Variants in AMPH observed in about 807,000 individuals in gnomAD.
AMPH encodes the protein amphiphysin (Stiff-Mann syndrome with breast cancer 128kD autoantigen).
AMPH carries 49 observed loss-of-function variants against 99.1 expected under a neutral mutation model. The observed-to-expected ratio is 0.49, with a 90% CI of 0.39 to 0.63. The LOEUF (loss-of-function observed/expected upper bound fraction) is 0.63. Ranked by LOEUF, AMPH falls within the 20% of genes least tolerant of loss-of-function variation. The probability of loss-of-function intolerance (pLI) is 0.00; values close to 1 mark genes in which losing one functional copy is unlikely to be tolerated. For missense variants in AMPH, 759 were observed against 863.4 expected (o/e 0.88, Z 1.52); for synonymous variants, 314 against 317.3 (o/e 0.99, Z 0.11).
intron 15 of AMPH, 120 bp from the exon 16 acceptor site, chr7:38,422,597 TC>T (rs1437813955): frequency 3.7e-5 from 26 of 696,976 alleles, no homozygotes; most frequent in African/African-American, 3.0e-4. Context: ...TATCTATCTA[TC>T]TATCCATCTA....
intron 3 of AMPH, among the ~76,000 whole-genome samples, chr7:38,501,968 A>G (rs1191093157): frequency 6.6e-6 from 1 of 152,038 alleles, no homozygotes; most frequent in Non-Finnish European, 1.5e-5. Context: ...ATGCTACTTA[A>G]TATTATTTGA....
intron 11 of AMPH, among the ~76,000 whole-genome samples, chr7:38,445,533 T>C (rs1386058130): frequency 1.3e-5 from 2 of 152,154 alleles, no homozygotes; most frequent in East Asian, 1.9e-4. Flanking sequence ...GGGAGTTGTA[T>C]ACAGAATGGA....
intron 4 of AMPH, 140 bp downstream of exon 4, chr7:38,494,293 A>G: frequency 1.5e-6 from 1 of 685,402 alleles, no homozygotes; most frequent in Non-Finnish European, 2.5e-6. Flanking sequence ...TGGAATCATC[A>G]GGCAGCAGAA....
In AMPH at chr7:38,430,477, C is replaced by A. The variant is rs1241154876; in HGVS notation, c.1159-612G>T. On this transcript the variant is annotated intron_variant, in intron 13 of 20. Transcript: ENST00000356264. ...CTATGTTCAGAAAGCTGTTGTTTTG[C>A]ATTTTGATATCGCTACCATTCCTAG... 2.0e-5 allele frequency among the ~76,000 whole-genome samples: 3 copies of A among 152,324 alleles called. No individual in the cohort carries two copies. The East Asian group carries it at 5.8e-4, about 29-fold the overall frequency.
At chr7:38,539,696 C>T (rs1790742784) in intron 1 of AMPH, among the ~76,000 whole-genome samples, 1 of 152,144 alleles carries the variant, frequency 6.6e-6, no homozygotes, top group Admixed American at 6.5e-5. Context: ...GAAAGGTCCC[C>T]AGGAGAGGGG....
At chr7:38,504,662 T>C (rs186200537) in intron 2 of AMPH, among the ~76,000 whole-genome samples, 3 of 152,322 alleles carry the variant, frequency 2.0e-5, no homozygotes, top group African/African-American at 7.2e-5. Context: ...CTGTCAGCTA[T>C]GTTTCTAGAG....
At chr7:38,565,131 A>G (rs1170727608) in intron 1 of AMPH, among the ~76,000 whole-genome samples, 1 of 151,954 alleles carries the variant, frequency 6.6e-6, no homozygotes, top group Non-Finnish European at 1.5e-5. Flanking sequence ...CTCAAAAAAA[A>G]AAAAAAAAGA....
At chr7:38,500,598 A>T (rs1011313130) in intron 3 of AMPH, among the ~76,000 whole-genome samples, 3 of 152,222 alleles carry the variant, frequency 2.0e-5, no homozygotes, top group African/African-American at 7.2e-5. Flanking sequence ...AGACCAAATC[A>T]AATAGACTTG....
At chr7:38,627,381 A>G (rs1245218780) in intron 1 of AMPH, among the ~76,000 whole-genome samples, 1 of 115,456 alleles carries the variant, frequency 8.7e-6, no homozygotes, top group African/African-American at 3.5e-5. Context: ...GTCTCTACTA[A>G]AAATACAAAA....
intron 5 of AMPH, among the ~76,000 whole-genome samples, chr7:38,486,277 A>T (rs1454093211): frequency 6.6e-6 from 1 of 151,880 alleles, no homozygotes; most frequent in Non-Finnish European, 1.5e-5. Flanking sequence ...GATGCCATAG[A>T]AATAAAAAGG....
rs141373839 is a variant in AMPH, at chr7:38,487,626, G to C, written c.396+3424C>G. Among the ~76,000 whole-genome samples the C allele has an allele frequency of 0.012, 1,856 of 152,202 alleles. 77 individuals are homozygous for C. In the East Asian group the frequency reaches 0.16, roughly 13 times the overall value. On this transcript the variant is annotated intron_variant, in intron 5 of 20. Transcript: ENST00000356264. ...ACATAGGCATGGGCAAAGACTGCAC[G>C]ACTAAAACACCAAAAGCAATTGCAA...
At chr7:38,417,442 T>C (rs974485725) in intron 17 of AMPH, among the ~76,000 whole-genome samples, 2 of 152,220 alleles carry the variant, frequency 1.3e-5, no homozygotes, top group Admixed American at 1.3e-4. Flanking sequence ...ATATTGTAAG[T>C]AATCAATATG....
chr7:38,576,854 C>A (rs1463714905), intron 1 of AMPH, among the ~76,000 whole-genome samples: 1 of 152,034 alleles, frequency 6.6e-6, no homozygotes. Flanking sequence ...TGACCTTGGG[C>A]AAGTCATTTA....
At chr7:38,429,903 G>C (rs368252324) in intron 13 of AMPH, 38 bp from the exon 14 acceptor site, 13 of 1,582,434 alleles carry the variant, frequency 8.2e-6, no homozygotes, top group Middle Eastern at 1.7e-4. Context: ...TAAGGCGAGA[G>C]AGAAAATTCA....
intron 2 of AMPH, among the ~76,000 whole-genome samples, chr7:38,519,200 C>T (rs1288090003): frequency 6.6e-6 from 1 of 152,222 alleles, no homozygotes; most frequent in Non-Finnish European, 1.5e-5. Flanking sequence ...AATGAATTTC[C>T]TTTCTTTATA....
intron 10 of AMPH, among the ~76,000 whole-genome samples, chr7:38,462,044 A>G (rs1787469835): frequency 1.3e-5 from 2 of 152,236 alleles, no homozygotes; most frequent in African/African-American, 2.4e-5. Flanking sequence ...GAGGCGGGGC[A>G]GTGGCAGTGA....
rs185917280 is a variant in AMPH, at chr7:38,561,250, C to T, written c.70-26239G>A. Among the ~76,000 whole-genome samples, 414 of 152,304 alleles carry T rather than the reference C, an allele frequency of 2.7e-3. 1 individual carries two copies. In the Middle Eastern group the frequency reaches 0.027, roughly 10 times the overall value. On this transcript the variant is annotated intron_variant, in intron 1 of 20. Coordinates refer to ENST00000356264, the MANE Select transcript of AMPH (RefSeq NM_001635.4). ...GTGTTGAATAACGAACCACGAAGTT[C>T]CCCTCCAGCCCTGAAAGCATGACTG... is the stretch of plus-strand genomic sequence containing the variant.
chr7:38,564,377 A>G (rs1286960476), intron 1 of AMPH, among the ~76,000 whole-genome samples: 1 of 152,182 alleles, frequency 6.6e-6, no homozygotes, highest in Non-Finnish European at 1.5e-5. Flanking sequence ...CCTGACAGAA[A>G]AGCAGCTGCA....
At chr7:38,519,301 T>C (rs937430573) in intron 2 of AMPH, among the ~76,000 whole-genome samples, 3 of 152,252 alleles carry the variant, frequency 2.0e-5, no homozygotes, top group Admixed American at 6.5e-5. Context: ...GATGCAGACA[T>C]GCACCAATTC....
Sources: gnomAD v4.1 joint callset for allele counts (sites outside exome capture counted in the v4.1 genomes callset) on GRCh38, gnomAD v4.1.1 for gene constraint, MANE v1.5 for transcripts, NCBI Gene and HGNC (gene_info 2026-07-23, HGNC 2026-07-21) for gene names.